PACC1: variants seen among roughly 807,000 people sequenced by gnomAD.
PACC1 encodes the protein proton activated chloride channel 1.
Under a neutral mutation model 39.7 loss-of-function variants are expected in PACC1, and 34 were observed. That is an observed-to-expected ratio of 0.86 (90% CI 0.65 to 1.14). The LOEUF (loss-of-function observed/expected upper bound fraction) is 1.14, where lower values mean the gene tolerates loss of function less well. Ranked by LOEUF, PACC1 falls within the 50% of genes most tolerant of loss-of-function variation. The pLI is 0.00. For synonymous variants in PACC1, 127 were observed against 160.6 expected (o/e 0.79, Z 1.58); for missense variants, 379 against 436.4 (o/e 0.87, Z 1.17).
In PACC1 at chr1:212,402,511, T is replaced by C. The variant is rs565126719; in HGVS notation, c.133+7914A>G. Among the ~76,000 whole-genome samples, 494 of 152,338 alleles carry C rather than the reference T, an allele frequency of 3.2e-3. 5 individuals are homozygous for C. The highest frequency in any genetic ancestry group is 0.011 in the African/African-American group (472 of 41,592). ...CTTTGCCCATTTTTAAACTGAGTTA[T>C]TTGTCTTTATTGTTGAATTGTAGGT... On this transcript the variant is annotated intron_variant, in intron 2 of 7. Coordinates refer to ENST00000261455, the MANE Select transcript of PACC1 (RefSeq NM_018252.3).
Position 212,414,038 on chromosome 1 carries a change from T to C in PACC1, c.36+684A>G, listed in dbSNP as rs1296849595. On this transcript the variant is annotated intron_variant, in intron 1 of 7. Transcript: ENST00000261455. ...AGTTTCACTAATACAGCTGGAGAAG[T>C]GAGGAGGCAGGGCTTGCTTGAAGGA... 2.0e-6 allele frequency: 3 copies of C among 1,534,392 alleles called. No individual in the cohort carries two copies. The African/African-American group carries it at 4.1e-5, about 21-fold the overall frequency.
At chr1:212,400,754 G>A (rs1157569656) in intron 2 of PACC1, among the ~76,000 whole-genome samples, 1 of 152,166 alleles carries the variant, frequency 6.6e-6, no homozygotes, top group Non-Finnish European at 1.5e-5. Flanking sequence ...GCAAACTCAG[G>A]GTAGTAGGAA....
intron 1 of PACC1, among the ~76,000 whole-genome samples, chr1:212,413,454 C>G (rs528809434): frequency 6.6e-6 from 1 of 152,166 alleles, no homozygotes; most frequent in Non-Finnish European, 1.5e-5. Flanking sequence ...GAAGGACAGA[C>G]AGAAATGCAG....
At chr1:212,408,464 G>A (rs1395007424) in intron 2 of PACC1, among the ~76,000 whole-genome samples, 5 of 151,808 alleles carry the variant, frequency 3.3e-5, no homozygotes, top group African/African-American at 4.8e-5. Flanking sequence ...GGGTTCAAGC[G>A]ATTCTCCTGC....
chr1:212,389,403 G>C (rs1009816077), intron 2 of PACC1, among the ~76,000 whole-genome samples: 1 of 152,212 alleles, frequency 6.6e-6, no homozygotes, highest in African/African-American at 2.4e-5. Context: ...AGGGGAGATA[G>C]GAGTTTAGAG....
intron 2 of PACC1, among the ~76,000 whole-genome samples, chr1:212,408,073 CAAAA>C (rs77122055): frequency 3.0e-5 from 2 of 67,716 alleles, no homozygotes. Flanking sequence ...GACTCCATCT[CAAAA>C]AAAAAAAAAA....
intron 2 of PACC1, among the ~76,000 whole-genome samples, chr1:212,398,062 G>A (rs757150466): frequency 3.8e-4 from 58 of 152,074 alleles, no homozygotes; most frequent in Non-Finnish European, 6.5e-4. Context: ...ATGACAGAAC[G>A]CTGCAAAATG....
chr1:212,381,936 G>C (rs1660912210), intron 4 of PACC1, among the ~76,000 whole-genome samples: 1 of 152,198 alleles, frequency 6.6e-6, no homozygotes, highest in Admixed American at 6.5e-5. Flanking sequence ...AGAGAAGGAG[G>C]CTTCTCCCTC....
chr1:212,376,440 A>G (rs527615419), intron 6 of PACC1, among the ~76,000 whole-genome samples: 3 of 152,196 alleles, frequency 2.0e-5, no homozygotes, highest in Non-Finnish European at 4.4e-5. Flanking sequence ...TAGAGTTTTC[A>G]CCCTTTGGTT....
In PACC1 at chr1:212,390,444, A is replaced by C. The variant is rs1300415336; in HGVS notation, c.134-3344T>G. On this transcript the variant is annotated intron_variant, in intron 2 of 7. Coordinates refer to ENST00000261455, the MANE Select transcript of PACC1 (RefSeq NM_018252.3). ...ATCTCAAAAAGAAAAAAAAAAAAAA[A>C]AAAGACTATTGATATTGGGTTCTAA... Among the ~76,000 whole-genome samples the C allele has an allele frequency of 2.6e-5, 4 of 151,798 alleles. No individual in the cohort carries two copies. The South Asian group carries it at 8.3e-4, about 32-fold the overall frequency.
At chr1:212,381,661 C>G (rs977841742) in intron 4 of PACC1, among the ~76,000 whole-genome samples, 1 of 145,606 alleles carries the variant, frequency 6.9e-6, no homozygotes, top group African/African-American at 2.5e-5. Context: ...CCTTCCCAGG[C>G]CTGGGCATGT....
intron 2 of PACC1, among the ~76,000 whole-genome samples, chr1:212,392,027 T>C (rs1236179018): frequency 1.3e-5 from 2 of 152,138 alleles, no homozygotes; most frequent in African/African-American, 2.4e-5. Flanking sequence ...CTGCAGGATA[T>C]TATCCAGGAG....
intron 6 of PACC1, among the ~76,000 whole-genome samples, chr1:212,375,538 A>C (rs1660615072): frequency 6.6e-6 from 1 of 152,176 alleles, no homozygotes; most frequent in Non-Finnish European, 1.5e-5. Flanking sequence ...GATTTACAAT[A>C]GGTGTTTTGG....
Position 212,385,394 on chromosome 1 carries a change from C to G in PACC1, c.375G>C (p.Leu125Phe). 3 of 1,614,038 alleles carry G rather than the reference C, an allele frequency of 1.9e-6. No homozygotes were observed. Among genetic ancestry groups the G allele is most frequent in the Non-Finnish European group, 2.5e-6 (3 of 1,180,002 alleles). Residue 125 changes from leucine (L) to phenylalanine (F), a missense_variant, in exon 4 of 8, where the codon TTG (leucine) becomes TTC (phenylalanine). Coordinates refer to ENST00000261455, the MANE Select transcript of PACC1 (RefSeq NM_018252.3). ...CCTCGTAATGGTGCTTACAGCTGAG[C>G]AACTGGGCCTGACCGGGGTACAAGG... Reference protein sequence around the residue: ...GIALYPGQAQLLSCKHHYEVI... With the variant: ...GIALYPGQAQFLSCKHHYEVI...
At chr1:212,374,355 T>TA (rs1020576249) in intron 7 of PACC1, among the ~76,000 whole-genome samples, 9 of 150,970 alleles carry the variant, frequency 6.0e-5, no homozygotes, top group Non-Finnish European at 8.9e-5. Flanking sequence ...TGTGGGAGCT[T>TA]AAAAAAAAAT....
At chr1:212,383,146 G>T (rs1057350265) in intron 4 of PACC1, among the ~76,000 whole-genome samples, 1 of 152,218 alleles carries the variant, frequency 6.6e-6, no homozygotes, top group African/African-American at 2.4e-5. Context: ...ATTGATGGAG[G>T]AGATGAACCA....
At position 212,386,847 on chromosome 1, in the gene PACC1, C is replaced by G; in HGVS notation, c.343+44G>C. 6.3e-7 allele frequency: 1 copy of G among 1,598,434 alleles called. No individual in the cohort carries two copies. Among genetic ancestry groups the G allele is most frequent in the Non-Finnish European group, 8.6e-7 (1 of 1,166,414 alleles). Reference sequence around the variant, plus strand: ...TCAGGGAGTATCTGCCAGCTGACACCCTAGATCTGGGGCCCTGATGCCTGG... The same window carrying G: ...TCAGGGAGTATCTGCCAGCTGACACGCTAGATCTGGGGCCCTGATGCCTGG... On this transcript the variant is annotated intron_variant, in intron 3 of 7. Coordinates refer to ENST00000261455, the MANE Select transcript of PACC1 (RefSeq NM_018252.3). The surrounding 1 kb of genome is among the most constrained non-coding windows in gnomAD (Gnocchi z 5.0).
At chr1:212,381,111 T>G (rs1660863195) in intron 4 of PACC1, among the ~76,000 whole-genome samples, 1 of 152,262 alleles carries the variant, frequency 6.6e-6, no homozygotes, top group African/African-American at 2.4e-5. Context: ...TTTCTAGTTT[T>G]TGTCTATTTG....
chr1:212,409,592 G>A (rs1468691359), intron 2 of PACC1, among the ~76,000 whole-genome samples: 1 of 152,138 alleles, frequency 6.6e-6, no homozygotes, highest in Non-Finnish European at 1.5e-5. Context: ...CCTGCAAACA[G>A]GAAATACTGG....
Sources: allele counts gnomAD v4.1 joint callset (sites outside exome capture counted in the v4.1 genomes callset), GRCh38; gene constraint gnomAD v4.1.1; non-coding constraint Gnocchi (gnomAD v3.1); transcripts MANE v1.5; gene names NCBI Gene and HGNC (gene_info 2026-07-23, HGNC 2026-07-21).